DCK: variants seen among roughly 807,000 people sequenced by gnomAD.
DCK encodes deoxycytidine kinase, also known as deoxyadenosine kinase.
DCK carries 23 observed loss-of-function variants against 38.3 expected under a neutral mutation model. The ratio of observed to expected loss-of-function variants is 0.60; its 90% CI spans 0.43 to 0.85. The LOEUF (loss-of-function observed/expected upper bound fraction) is 0.85. DCK is among the 40% of genes least tolerant of loss of function. The pLI is 0.00. For missense variants in DCK, 259 were observed against 304.4 expected, an observed-to-expected ratio of 0.85 and a Z score of 1.11; for synonymous variants, 108 against 100.6, an observed-to-expected ratio of 1.07 and a Z score of -0.44.
At chr4:71,002,967 A>G (rs1739849008) in intron 2 of DCK, among the ~76,000 whole-genome samples, 1 of 152,104 alleles carries the variant, frequency 6.6e-6, no homozygotes, top group African/African-American at 2.4e-5. Context: ...TTTAAGGTTA[A>G]TATTGTTATG....
At chr4:71,000,702 A>G (rs2148912420) in intron 2 of DCK, among the ~76,000 whole-genome samples, 1 of 152,270 alleles carries the variant, frequency 6.6e-6, no homozygotes, top group East Asian at 1.9e-4. Flanking sequence ...TTCCTTGAGC[A>G]GTGGTTTGTA....
At position 70,993,757 on chromosome 4, in the gene DCK, C is replaced by A. The variant is rs72553921; in HGVS notation, c.-79C>A. 1 of 964,824 alleles carries A rather than the reference C, an allele frequency of 1.0e-6. No homozygotes were observed. The highest frequency in any genetic ancestry group is 1.6e-6 in the Non-Finnish European group (1 of 627,586). The allele number at this position is 964,824 out of a possible 1,614,324, so 59.8% of individuals were successfully genotyped here. A position where few individuals can be genotyped will look rare whatever the true frequency, so the allele number is the denominator to read the frequency against. On this transcript the variant is annotated 5_prime_UTR_variant, in exon 1 of 7. Transcript: ENST00000286648. ...GTCAGGATCTGGCTTAGCGGCGCCG[C>A]GAGCTCCAGTGCGCGCACCCGTGGC...
At chr4:71,026,053 G>A in intron 5 of DCK, 122 bp downstream of exon 5, 1 of 1,179,836 alleles carries the variant, frequency 8.5e-7, no homozygotes, top group Non-Finnish European at 1.1e-6. Flanking sequence ...TTGCTTATTG[G>A]TATCTTCCAG....
Position 70,998,169 on chromosome 4 carries a change from A to G in DCK, c.194A>G (p.Gln65Arg). ...AGATGGTGCAATGTTCAAAGTACTCAAGATGAATTTGAGGTATGAAAATAA... is the reference window on the plus strand; with the variant it reads ...AGATGGTGCAATGTTCAAAGTACTCGAGATGAATTTGAGGTATGAAAATAA... ...VARWCNVQSTQDEFEELTMSQ... is the reference protein window; with the variant it reads ...VARWCNVQSTRDEFEELTMSQ... Residue 65 changes from glutamine (Q) to arginine (R), a missense_variant, in exon 2 of 7, where the codon CAA (glutamine) becomes CGA (arginine). Around this residue, in one of 3 missense-constraint regions of DCK, gnomAD observed 159 missense variants for 159.0 expected, o/e 1.00. Transcript: ENST00000286648. 6.4e-7 allele frequency: 1 copy of G among 1,561,916 alleles called. No individual in the cohort carries two copies. The highest frequency in any genetic ancestry group is 1.4e-5 in the African/African-American group (1 of 73,786).
In DCK at chr4:71,022,532, T is replaced by C. The variant is rs1179957748; in HGVS notation, c.373T>C (p.Phe125Leu). 3.1e-6 allele frequency: 5 copies of C among 1,592,614 alleles called. No homozygotes were observed. In the East Asian group the frequency reaches 1.1e-4, roughly 36 times the overall value. The change falls in exon 3 of 7, where the codon TTT (phenylalanine) becomes CTT (leucine). Residue 125 changes from phenylalanine to leucine, a missense_variant. Coordinates refer to ENST00000286648, the MANE Select transcript of DCK (RefSeq NM_000788.3). Reference protein sequence around the residue: ...KLKDAEKPVLFFERSVYSDRY... With the variant: ...KLKDAEKPVLLFERSVYSDRY... ...CAAAGATGCAGAGAAACCTGTATTA[T>C]TTTTTGAACGATCTGTGTATAGTGA...
rs1381411901 is a variant in DCK at position 71,019,076 on chromosome 4, T to C, written c.208-3291T>C. On this transcript the variant is annotated intron_variant, in intron 2 of 6. Coordinates refer to ENST00000286648, the MANE Select transcript of DCK (RefSeq NM_000788.3). ...ATCAAAAGAAAATGTTTTATATGAC[T>C]CATAAGTTATCCTGAGGAACCAGAT... 3.9e-5 allele frequency among the ~76,000 whole-genome samples: 6 copies of C among 152,294 alleles called. No individual in the cohort carries two copies. The East Asian group carries it at 1.2e-3, about 29-fold the overall frequency.
At position 71,016,918 on chromosome 4, in the gene DCK, C is replaced by T. The variant is rs532082812; in HGVS notation, c.208-5449C>T. ...ACACCAAAAGCAATGGCAACAAAAG[C>T]CAACATTGACAAATGGGATCTAATT... On this transcript the variant is annotated intron_variant, in intron 2 of 6. Transcript: ENST00000286648. Among the ~76,000 whole-genome samples the T allele has an allele frequency of 1.1e-3, 163 of 152,248 alleles. No homozygotes were observed. In the South Asian group the frequency reaches 0.019, roughly 18 times the overall value.
In DCK at chr4:70,994,176, C is replaced by T. The variant is rs145221238; in HGVS notation, c.91+250C>T. ...GGTCTCTGTGAGGCGCGCTTTGAAC[C>T]TCTGCTCCCTCTTTGTTGGGAACTC... On this transcript the variant is annotated intron_variant, in intron 1 of 6. Transcript: ENST00000286648. Among the ~76,000 whole-genome samples, 22 of 152,356 alleles carry T rather than the reference C, an allele frequency of 1.4e-4. No individual in the cohort carries two copies. In the East Asian group the frequency reaches 4.2e-3, roughly 29 times the overall value.
intron 2 of DCK, among the ~76,000 whole-genome samples, chr4:71,001,413 A>G (rs1270237500): frequency 6.6e-6 from 1 of 151,790 alleles, no homozygotes; most frequent in South Asian, 2.1e-4. Context: ...GGATTTTCGC[A>G]TCGATGTTCA....
chr4:71,000,978 C>G (rs1739787880), intron 2 of DCK, among the ~76,000 whole-genome samples: 1 of 152,150 alleles, frequency 6.6e-6, no homozygotes, highest in African/African-American at 2.4e-5. Flanking sequence ...AATTTGACTT[C>G]CCCTCTTCCT....
chr4:71,009,318 G>A (rs138750059), intron 2 of DCK, among the ~76,000 whole-genome samples: 78 of 152,314 alleles, frequency 5.1e-4, no homozygotes, highest in African/African-American at 1.7e-3. Flanking sequence ...AGGTTGCAGA[G>A]AAGTTGAAAA....
At chr4:71,013,644 A>T (rs1284672272) in intron 2 of DCK, among the ~76,000 whole-genome samples, 1 of 152,204 alleles carries the variant, frequency 6.6e-6, no homozygotes, top group African/African-American at 2.4e-5. Flanking sequence ...CCAGAATATC[A>T]TATCCAGCCA....
At chr4:71,010,130 A>G (rs942471143) in intron 2 of DCK, among the ~76,000 whole-genome samples, 1 of 145,706 alleles carries the variant, frequency 6.9e-6, no homozygotes, top group African/African-American at 2.5e-5. Context: ...TTAGCAACTT[A>G]CTGTGCACCC....
chr4:71,028,623 T>A, intron 6 of DCK: 1 of 432,538 alleles, frequency 2.3e-6, no homozygotes, highest in Admixed American at 2.7e-5. Flanking sequence ...CTCGAGACAG[T>A]CTTGCTCCGT....
At chr4:70,998,721 C>T (rs1486576551) in intron 2 of DCK, among the ~76,000 whole-genome samples, 1 of 151,976 alleles carries the variant, frequency 6.6e-6, no homozygotes, top group East Asian at 1.9e-4. Context: ...GTGAGGAGTT[C>T]AAGACCAGCC....
At chr4:71,000,168 A>C (rs1307866809) in intron 2 of DCK, among the ~76,000 whole-genome samples, 2 of 152,064 alleles carry the variant, frequency 1.3e-5, no homozygotes, top group African/African-American at 2.4e-5. Flanking sequence ...TTATGTTTAA[A>C]TCTTTAATCC....
chr4:70,994,703 C>G (rs1439560788), intron 1 of DCK, among the ~76,000 whole-genome samples: 1 of 152,190 alleles, frequency 6.6e-6, no homozygotes, highest in Non-Finnish European at 1.5e-5. Flanking sequence ...ATTAACGAAA[C>G]TCGAAACATT....
At chr4:71,006,202 A>C (rs1402016508) in intron 2 of DCK, 1 of 179,620 alleles carries the variant, frequency 5.6e-6, no homozygotes, top group African/African-American at 2.4e-5. Context: ...TTTACCTTTC[A>C]AGCCTTTTGT....
At chr4:71,003,855 G>A (rs1262568941) in intron 2 of DCK, among the ~76,000 whole-genome samples, 1 of 152,092 alleles carries the variant, frequency 6.6e-6, no homozygotes, top group Non-Finnish European at 1.5e-5. Flanking sequence ...AGCAGTTCCT[G>A]TAACCGTTTA....
Sources: allele counts gnomAD v4.1 joint callset (sites outside exome capture counted in the v4.1 genomes callset), GRCh38; gene constraint gnomAD v4.1.1; regional missense constraint gnomAD v4.1.1; transcripts MANE v1.5; gene names NCBI Gene and HGNC (gene_info 2026-07-23, HGNC 2026-07-21).